The following SLC24A2 variants were observed in gnomAD, a reference collection of about 807,000 sequenced individuals.
SLC24A2 encodes solute carrier family 24 member 2.
In SLC24A2, 36 loss-of-function variants were observed where a neutral mutation model predicts 62.0. The observed-to-expected ratio is 0.58, with a 90% CI of 0.44 to 0.77. The LOEUF is 0.77. SLC24A2 is among the 30% of genes least tolerant of loss of function. The pLI is 0.00. For missense variants in SLC24A2, 846 were observed against 817.9 expected (o/e 1.03, Z -0.42); for synonymous variants, 358 against 294.0 (o/e 1.22, Z -2.23).
At chr9:20,287,164 A>C in the SLC24A2 span, among the ~76,000 whole-genome samples, 1 of 152,182 alleles carries the variant, frequency 6.6e-6, no homozygotes, top group African/African-American at 2.4e-5. Context: ...ATCCTCCACC[A>C]TGCTTTCACT....
the SLC24A2 span, among the ~76,000 whole-genome samples, chr9:20,132,721 C>G: frequency 1.3e-5 from 2 of 152,074 alleles, no homozygotes; most frequent in Non-Finnish European, 2.9e-5. Context: ...TTATTTAAAG[C>G]TATTTGGTTA....
At chr9:20,277,678 G>A in the SLC24A2 span, among the ~76,000 whole-genome samples, 78 of 152,292 alleles carry the variant, frequency 5.1e-4, no homozygotes, top group African/African-American at 1.8e-3. Flanking sequence ...AGACAGTGTG[G>A]CGATTCCTCA....
At chr9:20,165,639 C>G in the SLC24A2 span, among the ~76,000 whole-genome samples, 1 of 151,918 alleles carries the variant, frequency 6.6e-6, no homozygotes, top group East Asian at 2.0e-4. Flanking sequence ...AGAATAAACT[C>G]TAAATGTATC....
chr9:19,788,186 C>T (rs927316155), intron 1 of SLC24A2, among the ~76,000 whole-genome samples: 1 of 152,182 alleles, frequency 6.6e-6, no homozygotes, highest in African/African-American at 2.4e-5. Flanking sequence ...ACAAATCAAC[C>T]CCGCTGAGTT....
At chr9:19,644,865 C>G (rs1183965629) in intron 2 of SLC24A2, among the ~76,000 whole-genome samples, 1 of 151,768 alleles carries the variant, frequency 6.6e-6, no homozygotes, top group Non-Finnish European at 1.5e-5. Flanking sequence ...AGGTGAATGA[C>G]TATATTAGTA....
At chr9:20,297,544 G>A in the SLC24A2 span, among the ~76,000 whole-genome samples, 18 of 152,222 alleles carry the variant, frequency 1.2e-4, no homozygotes, top group Non-Finnish European at 1.9e-4. Context: ...TCACTGGCCA[G>A]ATGGGTGGAC....
At chr9:19,637,147 T>C (rs988440474) in intron 2 of SLC24A2, among the ~76,000 whole-genome samples, 2 of 152,218 alleles carry the variant, frequency 1.3e-5, no homozygotes, top group African/African-American at 4.8e-5. Context: ...GACAGCCTGG[T>C]GCCACTGAAA....
intron 2 of SLC24A2, among the ~76,000 whole-genome samples, chr9:19,728,235 T>G (rs1039364602): frequency 6.6e-6 from 1 of 152,140 alleles, no homozygotes; most frequent in African/African-American, 2.4e-5. Context: ...ATTTAAGGTT[T>G]TCAGAAAGGC....
At chr9:19,525,378 T>TC (rs1397615207) in intron 9 of SLC24A2, among the ~76,000 whole-genome samples, 2 of 147,944 alleles carry the variant, frequency 1.4e-5, no homozygotes, top group Non-Finnish European at 3.0e-5. Context: ...GGTTTTTTTT[T>TC]CCTATTTCTT....
chr9:19,923,208 A>G, the SLC24A2 span, among the ~76,000 whole-genome samples: 1 of 152,026 alleles, frequency 6.6e-6, no homozygotes, highest in Non-Finnish European at 1.5e-5. Flanking sequence ...AGACTGTTAG[A>G]ATGTTCTGAA....
At chr9:19,533,043 A>G (rs1034363951) in intron 8 of SLC24A2, among the ~76,000 whole-genome samples, 5 of 152,354 alleles carry the variant, frequency 3.3e-5, no homozygotes, top group Non-Finnish European at 1.5e-5. Context: ...TGTAAAGCCC[A>G]TATTAATTAT....
At chr9:19,606,594 TC>T (rs1465195636) in intron 4 of SLC24A2, among the ~76,000 whole-genome samples, 2 of 152,220 alleles carry the variant, frequency 1.3e-5, no homozygotes, top group Non-Finnish European at 2.9e-5. Flanking sequence ...GGGTTACCAC[TC>T]ATATGTCAGC....
chr9:19,861,525 A>G, the SLC24A2 span, among the ~76,000 whole-genome samples: 1 of 152,172 alleles, frequency 6.6e-6, no homozygotes, highest in African/African-American at 2.4e-5. Flanking sequence ...TTCAATCCCC[A>G]GACACAGATG....
In SLC24A2 at chr9:19,512,016, T is replaced by G. The variant is rs545266571; in HGVS notation, c.*4137A>C. On this transcript the variant is annotated 3_prime_UTR_variant, in exon 11 of 11. Coordinates refer to ENST00000341998, the MANE Select transcript of SLC24A2 (RefSeq NM_020344.4). ...TAATGCAACTTCCATCTTCTTCAGCTCTATCTGGCCAGCCACTCTACCAGG... is the reference window on the plus strand; with the variant it reads ...TAATGCAACTTCCATCTTCTTCAGCGCTATCTGGCCAGCCACTCTACCAGG... 1 of 152,384 alleles carries G rather than the reference T, an allele frequency of 6.6e-6. No individual in the cohort carries two copies. The highest frequency in any genetic ancestry group is 1.5e-5 in the Non-Finnish European group (1 of 68,084). The allele number at this position is 152,384 out of a possible 1,614,324, so 9.4% of individuals were successfully genotyped here. A position where few individuals can be genotyped will look rare whatever the true frequency, so the allele number is the denominator to read the frequency against.
the SLC24A2 span, among the ~76,000 whole-genome samples, chr9:19,976,589 T>C: frequency 6.6e-6 from 1 of 152,218 alleles, no homozygotes; most frequent in Non-Finnish European, 1.5e-5. Context: ...ATAAATTACC[T>C]AGACTTAGGT....
At chr9:20,053,045 T>C in the SLC24A2 span, among the ~76,000 whole-genome samples, 2 of 152,202 alleles carry the variant, frequency 1.3e-5, no homozygotes, top group African/African-American at 4.8e-5. Flanking sequence ...ATATAAAATA[T>C]TTGAAACTGA....
the SLC24A2 span, among the ~76,000 whole-genome samples, chr9:19,822,819 C>T: frequency 6.6e-6 from 1 of 152,132 alleles, no homozygotes; most frequent in South Asian, 2.1e-4. Context: ...ATCATCATAT[C>T]CTAGTTCCTT....
chr9:20,085,669 TTAATA>T, the SLC24A2 span, among the ~76,000 whole-genome samples: 1 of 152,224 alleles, frequency 6.6e-6, no homozygotes, highest in Non-Finnish European at 1.5e-5. Flanking sequence ...TTTTATTGTA[TTAATA>T]TATGTTTCCA....
At chr9:19,996,693 G>C in the SLC24A2 span, among the ~76,000 whole-genome samples, 1 of 142,796 alleles carries the variant, frequency 7.0e-6, no homozygotes, top group East Asian at 2.2e-4. Flanking sequence ...AGTGAGCCGA[G>C]ATGGTGCCAC....
Sources: allele counts gnomAD v4.1 joint callset (sites outside exome capture counted in the v4.1 genomes callset), GRCh38; gene constraint gnomAD v4.1.1; transcripts MANE v1.5; gene names NCBI Gene and HGNC (gene_info 2026-07-23, HGNC 2026-07-21).